ADK: variants seen among roughly 807,000 people sequenced by gnomAD.
ADK encodes the protein adenosine kinase.
A neutral mutation model predicts 44.7 loss-of-function variants in ADK; 24 were observed. That is an observed-to-expected ratio of 0.54 (90% confidence interval 0.39 to 0.76). The LOEUF (loss-of-function observed/expected upper bound fraction) is 0.76. Among genes scored for constraint, ADK ranks in the 30% least tolerant of loss-of-function variants. ADK has a pLI of 0.00. For missense variants in ADK, 321 were observed against 425.1 expected, an observed-to-expected ratio of 0.76 and a Z score of 2.15; for synonymous variants, 128 against 142.6, an observed-to-expected ratio of 0.90 and a Z score of 0.73.
intron 1 of ADK, among the ~76,000 whole-genome samples, chr10:74,197,594 G>A (rs1843207864): frequency 6.6e-6 from 1 of 151,762 alleles, no homozygotes; most frequent in Non-Finnish European, 1.5e-5. Context: ...CAGCTACTCA[G>A]CAGGCTGAGG....
At chr10:74,350,866 A>G (rs1032565533) in intron 4 of ADK, among the ~76,000 whole-genome samples, 1 of 152,218 alleles carries the variant, frequency 6.6e-6, no homozygotes, top group African/African-American at 2.4e-5. Flanking sequence ...CACCCTCCCA[A>G]GACTAATCCA....
In ADK at chr10:74,259,666, C is replaced by T. The variant is rs1473819182; in HGVS notation, c.194+35075C>T. Among the ~76,000 whole-genome samples, 3 of 151,686 alleles carry T rather than the reference C, an allele frequency of 2.0e-5. No individual in the cohort carries two copies. The East Asian group carries it at 5.8e-4, about 29-fold the overall frequency. On this transcript the variant is annotated intron_variant, in intron 3 of 10. Coordinates refer to ENST00000539909, the MANE Select transcript of ADK (RefSeq NM_006721.4). The stretch of plus-strand genomic sequence containing the variant: ...TAGAGACGGGGTTTCACCATGTTAG[C>T]CAGGATGGTCTCGATCTCCTGACCT...
intron 10 of ADK, among the ~76,000 whole-genome samples, chr10:74,687,297 C>T (rs539808418): frequency 1.4e-4 from 22 of 152,128 alleles, no homozygotes; most frequent in Non-Finnish European, 2.2e-4. Context: ...AGCTGCATTA[C>T]GTGTCTGCGT....
intron 9 of ADK, among the ~76,000 whole-genome samples, chr10:74,647,030 G>A (rs1854077171): frequency 6.6e-6 from 1 of 151,686 alleles, no homozygotes; most frequent in Non-Finnish European, 1.5e-5. Flanking sequence ...AAATTAAAAG[G>A]TATTAAATTG....
intron 9 of ADK, among the ~76,000 whole-genome samples, chr10:74,620,762 G>A (rs1326015283): frequency 6.6e-6 from 1 of 151,912 alleles, no homozygotes; most frequent in African/African-American, 2.4e-5. Flanking sequence ...TACCTCACTG[G>A]TTTTGATTTG....
rs529767563 is a variant in ADK, at chr10:74,447,125, TAGG to T, written c.555+48551_555+48553del. Among the ~76,000 whole-genome samples the T allele has an allele frequency of 3.5e-3, 530 of 152,018 alleles. 1 individual carries two copies. Among genetic ancestry groups the T allele is most frequent in the African/African-American group, 0.012 (501 of 41,464 alleles). On this transcript the variant is annotated intron_variant, in intron 6 of 10. Coordinates refer to ENST00000539909, the MANE Select transcript of ADK (RefSeq NM_006721.4). ...CTTGCAAATTAAACTGACAAAAAAT[TAGG>T]AGGATAAAAGGATTATTTTGTATGC...
rs1379978845 is a variant in ADK, at chr10:74,670,409, C to T, written c.964+140C>T. 3.5e-5 allele frequency: 24 copies of T among 694,478 alleles called. No homozygotes were observed. In the South Asian group the frequency reaches 4.0e-4, roughly 12 times the overall value. The allele number at this position is 694,478 out of a possible 1,614,324, so 43.0% of individuals were successfully genotyped here. ...TAACTTCTGAAGTTCTTTCCATATA[C>T]TTCTATCATTGTCAGTATTAGAGGG... On this transcript the variant is annotated intron_variant, in intron 10 of 10. Transcript: ENST00000539909.
intron 7 of ADK, among the ~76,000 whole-genome samples, chr10:74,541,792 A>ACT (rs1172991136): frequency 1.4e-4 from 4 of 28,840 alleles, no homozygotes; most frequent in African/African-American, 2.6e-4. Context: ...GAACCCCCAC[A>ACT]CACCCCCCCC....
At chr10:74,527,234 G>C (rs771730759) in intron 7 of ADK, among the ~76,000 whole-genome samples, 1 of 152,132 alleles carries the variant, frequency 6.6e-6, no homozygotes, top group African/African-American at 2.4e-5. Context: ...GGTGGCGAGT[G>C]CCTGTAGTCC....
chr10:74,151,278 G>T lies in ADK; in HGVS notation c.-1G>T, dbSNP rs757735079. ...AGCCAAAGTGGGGTGGGAGCGCGAA[G>T]ATGGCAGCTGCTGAGGAGGAGCCGA... On this transcript the variant is annotated 5_prime_UTR_variant, in exon 1 of 11. Transcript: ENST00000539909. 6.5e-7 allele frequency: 1 copy of T among 1,549,570 alleles called. No homozygotes were observed. Among genetic ancestry groups the T allele is most frequent in the Non-Finnish European group, 8.7e-7 (1 of 1,146,866 alleles).
intron 10 of ADK, among the ~76,000 whole-genome samples, chr10:74,689,217 C>T (rs1001996710): frequency 4.6e-5 from 7 of 151,838 alleles, no homozygotes; most frequent in Admixed American, 1.3e-4. Flanking sequence ...CCACTGCACT[C>T]CAGCCTGGGT....
At chr10:74,688,361 TGTAA>T (rs750193527) in intron 10 of ADK, among the ~76,000 whole-genome samples, 24 of 152,224 alleles carry the variant, frequency 1.6e-4, no homozygotes, top group East Asian at 7.7e-4. Flanking sequence ...GAACAGGAAC[TGTAA>T]GTGTCTTATT....
chr10:74,695,620 GTGTGTGT>G (rs796276219), intron 10 of ADK, among the ~76,000 whole-genome samples: 3,086 of 126,144 alleles, frequency 0.024, 54 homozygotes, highest in South Asian at 0.082. Flanking sequence ...TATGTGTGGG[GTGTGTGT>G]GTGTGTGTGT....
Position 74,652,046 on chromosome 10 carries a change from C to CTTTTTT in ADK, c.878-18134_878-18133insTTTTTT, listed in dbSNP as rs1401635840. On this transcript the variant is annotated intron_variant, in intron 9 of 10. Coordinates refer to ENST00000539909, the MANE Select transcript of ADK (RefSeq NM_006721.4). Reference sequence around the variant, plus strand: ...GAAGGGATATGAAGGAACTTTCTTTCTTTCTTTTTTTTTTTTTTTGAGACA... The same window carrying CTTTTTT: ...GAAGGGATATGAAGGAACTTTCTTTCTTTTTTTTTCTTTTTTTTTTTTTTTGAGACA... Among the ~76,000 whole-genome samples the CTTTTTT allele has an allele frequency of 3.6e-5, 5 of 138,552 alleles. 1 individual carries two copies. Among genetic ancestry groups the CTTTTTT allele is most frequent in the African/African-American group, 1.1e-4 (4 of 36,216 alleles). The allele number at this position is 138,552 out of a possible 152,430, so 90.9% of individuals were successfully genotyped here.
At chr10:74,228,370 G>A (rs1844628880) in intron 3 of ADK, among the ~76,000 whole-genome samples, 1 of 152,124 alleles carries the variant, frequency 6.6e-6, no homozygotes. Flanking sequence ...TAAAACTATA[G>A]GATTTATAGT....
chr10:74,432,501 G>T (rs1845035958), intron 6 of ADK, among the ~76,000 whole-genome samples: 1 of 152,084 alleles, frequency 6.6e-6, no homozygotes, highest in African/African-American at 2.4e-5. Flanking sequence ...CTTAGTTTAG[G>T]AATGTATCAT....
At chr10:74,469,129 G>C (rs1444208429) in intron 6 of ADK, among the ~76,000 whole-genome samples, 1 of 152,080 alleles carries the variant, frequency 6.6e-6, no homozygotes, top group Non-Finnish European at 1.5e-5. Context: ...CTTGAGCCCA[G>C]GAATTTGAGA....
intron 5 of ADK, 22 bp from the exon 6 acceptor site, chr10:74,398,449 G>T (rs374740230): frequency 2.3e-5 from 35 of 1,498,434 alleles, no homozygotes; most frequent in Non-Finnish European, 2.9e-5. Context: ...AATATTACTT[G>T]CTTATTCTTT....
intron 6 of ADK, among the ~76,000 whole-genome samples, chr10:74,404,453 T>A (rs1360074322): frequency 6.6e-6 from 1 of 152,202 alleles, no homozygotes; most frequent in East Asian, 1.9e-4. Context: ...ATCTCTTGTA[T>A]TTGGATCTGT....
Sources: gnomAD v4.1 joint callset for allele counts (sites outside exome capture counted in the v4.1 genomes callset) on GRCh38, gnomAD v4.1.1 for gene constraint, MANE v1.5 for transcripts, NCBI Gene and HGNC (gene_info 2026-07-23, HGNC 2026-07-21) for gene names.